Variants in FGD4 observed in about 807,000 individuals in gnomAD.
FGD4 encodes the protein FYVE, RhoGEF and PH domain containing 4, also known as FYVE, RhoGEF and PH domain-containing protein 4.
In FGD4, 42 loss-of-function variants were observed where a neutral mutation model predicts 102.0. The ratio of observed to expected loss-of-function variants is 0.41; its 90% CI spans 0.32 to 0.53. The LOEUF is 0.53. Among genes scored for constraint, FGD4 ranks in the 20% least tolerant of loss-of-function variants. The pLI, the probability that FGD4 is intolerant of heterozygous loss-of-function variation, is 0.21. For synonymous variants in FGD4, 380 were observed against 375.7 expected, an observed-to-expected ratio of 1.01 and a Z score of -0.13; for missense variants, 902 against 1,078.2, an observed-to-expected ratio of 0.84 and a Z score of 2.29.
At chr12:32,480,326 T>C (rs1190142346) in intron 1 of FGD4, among the ~76,000 whole-genome samples, 1 of 151,736 alleles carries the variant, frequency 6.6e-6, no homozygotes, top group East Asian at 1.9e-4. Context: ...CATGCCCAGC[T>C]AATTTTTTTG....
rs536277862 is a variant in FGD4, at chr12:32,551,389, C to G, written c.167-12748C>G. On this transcript the variant is annotated intron_variant, in intron 1 of 16. Transcript: ENST00000534526. Reference sequence around the variant, plus strand: ...GTGCTAGCTACTGTTGTAGTATGCTCACTAGAATTTAATACTTGAATCCTC... The same window carrying G: ...GTGCTAGCTACTGTTGTAGTATGCTGACTAGAATTTAATACTTGAATCCTC... 1.1e-4 allele frequency among the ~76,000 whole-genome samples: 16 copies of G among 152,252 alleles called. No homozygotes were observed. In the East Asian group the frequency reaches 3.1e-3, roughly 29 times the overall value.
At chr12:32,455,920 A>G (rs777207492) in intron 1 of FGD4, among the ~76,000 whole-genome samples, 2 of 152,290 alleles carry the variant, frequency 1.3e-5, no homozygotes, top group Middle Eastern at 6.8e-3. Context: ...AAAAAGCAAA[A>G]GGAATTATTG....
Position 32,642,653 on chromosome 12 carries a change from G to T in FGD4, c.*2120G>T, listed in dbSNP as rs1951213494. 6.6e-6 allele frequency: 1 copy of T among 151,946 alleles called. No individual in the cohort carries two copies. Among genetic ancestry groups the T allele is most frequent in the African/African-American group, 2.4e-5 (1 of 41,396 alleles). The allele number at this position is 151,946 out of a possible 1,614,324, so 9.4% of individuals were successfully genotyped here. ...ATGTAAAGATAATGTTTATTATCAT[G>T]CTCTTAACAGTCATTATCTTTAATT... On this transcript the variant is annotated 3_prime_UTR_variant, in exon 17 of 17. Coordinates refer to ENST00000534526, the MANE Select transcript of FGD4 (RefSeq NM_001370298.3).
intron 4 of FGD4, among the ~76,000 whole-genome samples, chr12:32,591,755 A>G (rs1244482675): frequency 1.3e-5 from 2 of 152,228 alleles, no homozygotes; most frequent in Admixed American, 1.3e-4. Flanking sequence ...ATGAGGAGGC[A>G]GGACTGACAC....
chr12:32,508,107 G>A (rs1938973165), intron 1 of FGD4, among the ~76,000 whole-genome samples: 2 of 152,164 alleles, frequency 1.3e-5, no homozygotes, highest in South Asian at 2.1e-4. Flanking sequence ...AGGGATGAAG[G>A]GTACAGAGGG....
At chr12:32,636,901 T>C (rs111785662) in intron 15 of FGD4, among the ~76,000 whole-genome samples, 79,018 of 147,432 alleles carry the variant, frequency 0.54, 22,996 homozygotes, top group African/African-American at 0.77. Flanking sequence ...GACAGAGTCT[T>C]GCTCTGTCAC....
chr12:32,514,824 C>A (rs1939735984), intron 1 of FGD4, among the ~76,000 whole-genome samples: 1 of 152,086 alleles, frequency 6.6e-6, no homozygotes, highest in Non-Finnish European at 1.5e-5. Context: ...AATGTATTAT[C>A]CATTTGTTTA....
chr12:32,427,578 G>A (rs1229552849), intron 1 of FGD4, among the ~76,000 whole-genome samples: 2 of 152,148 alleles, frequency 1.3e-5, no homozygotes, highest in South Asian at 4.1e-4. Context: ...ATGTCTATTA[G>A]GTCTGCTTGG....
intron 2 of FGD4, among the ~76,000 whole-genome samples, chr12:32,573,951 G>A (rs1945908190): frequency 6.6e-6 from 1 of 151,698 alleles, no homozygotes; most frequent in Non-Finnish European, 1.5e-5. Context: ...CCTTGTGGAG[G>A]AAAAAAAACC....
At chr12:32,558,496 G>A (rs547529696) in intron 1 of FGD4, among the ~76,000 whole-genome samples, 1 of 152,308 alleles carries the variant, frequency 6.6e-6, no homozygotes, top group South Asian at 2.1e-4. Context: ...GGTCAGGCTC[G>A]AAGAATCAGA....
chr12:32,473,003 A>G (rs11052016), intron 1 of FGD4, among the ~76,000 whole-genome samples: 52,432 of 147,932 alleles, frequency 0.35, 9,255 homozygotes, highest in South Asian at 0.48. Flanking sequence ...CAAGGTTTGT[A>G]AATGCACCAA....
intron 1 of FGD4, among the ~76,000 whole-genome samples, chr12:32,430,447 T>A (rs1320370642): frequency 6.6e-6 from 1 of 152,226 alleles, no homozygotes; most frequent in African/African-American, 2.4e-5. Context: ...CTTGTTTGAC[T>A]AGATTATATC....
At chr12:32,604,530 T>C (rs985632572) in intron 7 of FGD4, among the ~76,000 whole-genome samples, 1 of 152,228 alleles carries the variant, frequency 6.6e-6, no homozygotes, top group Non-Finnish European at 1.5e-5. Flanking sequence ...GTTGAACCTA[T>C]AGTGAATTTT....
At chr12:32,473,273 A>G (rs1359371137) in intron 1 of FGD4, among the ~76,000 whole-genome samples, 3 of 151,816 alleles carry the variant, frequency 2.0e-5, no homozygotes, top group Admixed American at 6.6e-5. Context: ...CACACTGTGG[A>G]AGTTTTGTTC....
intron 1 of FGD4, among the ~76,000 whole-genome samples, chr12:32,546,889 G>A (rs1943267278): frequency 6.6e-6 from 1 of 152,128 alleles, no homozygotes; most frequent in South Asian, 2.1e-4. Context: ...AAGGTAATCT[G>A]GAATTCTGTC....
At chr12:32,470,853 G>A (rs1324107904) in intron 1 of FGD4, among the ~76,000 whole-genome samples, 2 of 152,152 alleles carry the variant, frequency 1.3e-5, no homozygotes, top group East Asian at 1.9e-4. Context: ...GATACACAGG[G>A]CTTTGCCTTA....
At chr12:32,570,718 G>A (rs530332953) in intron 2 of FGD4, among the ~76,000 whole-genome samples, 1 of 152,258 alleles carries the variant, frequency 6.6e-6, no homozygotes, top group African/African-American at 2.4e-5. Flanking sequence ...TAGGATTACA[G>A]GCATGAGACA....
chr12:32,407,282 T>C (rs1436235039), intron 1 of FGD4, among the ~76,000 whole-genome samples: 1 of 151,784 alleles, frequency 6.6e-6, no homozygotes, highest in Non-Finnish European at 1.5e-5. Flanking sequence ...CCTACCACTA[T>C]GCCCAGCTAA....
At chr12:32,534,335 C>G (rs1283838181) in intron 1 of FGD4, 39 of 1,422,706 alleles carry the variant, frequency 2.7e-5, no homozygotes, top group Non-Finnish European at 3.6e-5. Context: ...GTGCATTGGT[C>G]TGAGCTCCTG....
Sources: gnomAD v4.1 joint callset for allele counts (sites outside exome capture counted in the v4.1 genomes callset) on GRCh38, gnomAD v4.1.1 for gene constraint, MANE v1.5 for transcripts, NCBI Gene and HGNC (gene_info 2026-07-23, HGNC 2026-07-21) for gene names.